The following ACOT7 variants were observed in gnomAD, a reference collection of about 807,000 sequenced individuals.
The protein encoded by ACOT7 is cytosolic acyl coenzyme A thioester hydrolase.
In ACOT7, 12 loss-of-function variants were observed where a neutral mutation model predicts 40.2. The observed-to-expected ratio is 0.30, with a 90% CI of 0.19 to 0.48. The LOEUF (loss-of-function observed/expected upper bound fraction) is 0.48, where lower values mean the gene tolerates loss of function less well. Ranked by LOEUF, ACOT7 falls within the 20% of genes least tolerant of loss-of-function variation. The pLI is 0.99. For missense variants in ACOT7, 395 were observed against 530.8 expected (o/e 0.74, Z 2.51); for synonymous variants, 228 against 219.5 (o/e 1.04, Z -0.34).
chr1:6,319,636 T>A (rs1640589619), intron 5 of ACOT7, among the ~76,000 whole-genome samples: 1 of 152,246 alleles, frequency 6.6e-6, no homozygotes, highest in Admixed American at 6.5e-5. Flanking sequence ...CACATGGCTG[T>A]CCATTTTTAG....
At chr1:6,280,368 G>C (rs1571265319) in intron 8 of ACOT7, among the ~76,000 whole-genome samples, 1 of 152,244 alleles carries the variant, frequency 6.6e-6, no homozygotes, top group Non-Finnish European at 1.5e-5. Flanking sequence ...AGACAGGGAA[G>C]CTGCCTCTTT....
At chr1:6,353,151 C>T (rs1051392970) in intron 1 of ACOT7, among the ~76,000 whole-genome samples, 6 of 151,530 alleles carry the variant, frequency 4.0e-5, no homozygotes, top group African/African-American at 1.5e-4. Context: ...TGTGAGCCAC[C>T]GCACCCGGCC....
chr1:6,335,042 C>T (rs1641060544), intron 3 of ACOT7, among the ~76,000 whole-genome samples: 1 of 150,710 alleles, frequency 6.6e-6, no homozygotes, highest in African/African-American at 2.4e-5. Flanking sequence ...AAAAAATTAG[C>T]TGGGTTGGCT....
At position 6,318,484 on chromosome 1, in the gene ACOT7, C is replaced by T. The variant is rs750800226; in HGVS notation, c.712+8G>A. 4 of 1,613,538 alleles carry T rather than the reference C, an allele frequency of 2.5e-6. No individual in the cohort carries two copies. In the South Asian group the frequency reaches 3.3e-5, roughly 13 times the overall value. On this transcript the variant is annotated splice_region_variant and intron_variant, in intron 6 of 8. Coordinates refer to ENST00000361521, the MANE Select transcript of ACOT7 (RefSeq NM_007274.4). ...AGGAATGGAGTGGCCAGGGCGCTTC[C>T]TTCTTACCTCCGTGCACAAAGCCGT...
rs1267700665 is a variant in ACOT7 at position 6,275,841 on chromosome 1, G to A, written c.1014+5261C>T. Among the ~76,000 whole-genome samples, 1 of 152,176 alleles carries A rather than the reference G, an allele frequency of 6.6e-6. No individual in the cohort carries two copies. The highest frequency in any genetic ancestry group is 1.5e-5 in the Non-Finnish European group (1 of 68,036). On this transcript the variant is annotated intron_variant, in intron 8 of 8. Coordinates refer to ENST00000361521, the MANE Select transcript of ACOT7 (RefSeq NM_007274.4). This position sits in a 1 kb window ranked among gnomAD's most constrained non-coding sequence, Gnocchi z 5.6. ...CGGAGTCCTGGGCTGGCCACCTCGGGAGATGTGTGTTCATGAGCACCAGAG... is the reference window on the plus strand; with the variant it reads ...CGGAGTCCTGGGCTGGCCACCTCGGAAGATGTGTGTTCATGAGCACCAGAG...
chr1:6,389,020 A>G (rs1642488901), intron 1 of ACOT7, among the ~76,000 whole-genome samples: 1 of 151,702 alleles, frequency 6.6e-6, no homozygotes, highest in South Asian at 2.1e-4. Context: ...CAGCCTGGGC[A>G]ACAGAGTGAG....
Position 6,282,808 on chromosome 1 carries a change from A to G in ACOT7, c.830-1522T>C. 2 of 1,304,234 alleles carry G rather than the reference A, an allele frequency of 1.5e-6. No homozygotes were observed. The highest frequency in any genetic ancestry group is 2.0e-6 in the Non-Finnish European group (2 of 988,928). The allele number at this position is 1,304,234 out of a possible 1,614,324, so 80.8% of individuals were successfully genotyped here. A position where few individuals can be genotyped will look rare whatever the true frequency, so the allele number is the denominator to read the frequency against. On this transcript the variant is annotated intron_variant, in intron 7 of 8. Transcript: ENST00000361521. The surrounding 1 kb of genome is among the most constrained non-coding windows in gnomAD (Gnocchi z 4.5). ...AGGCATTACGTGAGCTGTAAGGTAC[A>G]GAGTCCCATGCAAAGCGCCCGCAGT...
intron 1 of ACOT7, chr1:6,385,477 A>G (rs757408867): frequency 1.2e-6 from 2 of 1,602,956 alleles, no homozygotes; most frequent in Admixed American, 3.4e-5. Context: ...GGCACAAAAT[A>G]TTCCCAGTCA....
At chr1:6,347,068 T>C (rs919024906) in intron 2 of ACOT7, among the ~76,000 whole-genome samples, 1 of 152,054 alleles carries the variant, frequency 6.6e-6, no homozygotes, top group African/African-American at 2.4e-5. Context: ...GACAGAACCT[T>C]GGGACTTCCA....
rs1250231639 is a variant in ACOT7 at position 6,352,593 on chromosome 1, T to C, written c.144-2727A>G. ...TCACTGGAGACTTCGTTTTCCCATT[T>C]CTTTTTTTTTTTTTTTGAGACGGCG... On this transcript the variant is annotated intron_variant, in intron 1 of 8. Coordinates refer to ENST00000361521, the MANE Select transcript of ACOT7 (RefSeq NM_007274.4). This position sits in a 1 kb window ranked among gnomAD's most constrained non-coding sequence, Gnocchi z 4.5. Among the ~76,000 whole-genome samples the C allele has an allele frequency of 6.7e-6, 1 of 148,816 alleles. No homozygotes were observed. Among genetic ancestry groups the C allele is most frequent in the Non-Finnish European group, 1.5e-5 (1 of 67,774 alleles).
At chr1:6,283,382 G>A (rs1016451295) in intron 7 of ACOT7, among the ~76,000 whole-genome samples, 1 of 152,152 alleles carries the variant, frequency 6.6e-6, no homozygotes, top group Admixed American at 6.5e-5. Context: ...GGCTGGTCTA[G>A]AACTCCTGGC....
intron 1 of ACOT7, among the ~76,000 whole-genome samples, chr1:6,375,830 C>T (rs901510990): frequency 4.6e-5 from 7 of 151,292 alleles, no homozygotes; most frequent in Admixed American, 2.0e-4. Flanking sequence ...CCCAGCTGCT[C>T]GGGAGGCCGA....
intron 1 of ACOT7, among the ~76,000 whole-genome samples, chr1:6,370,457 G>GTATTATTAT (rs34962967): frequency 1.9e-3 from 271 of 140,806 alleles, no homozygotes; most frequent in Middle Eastern, 7.5e-3. Context: ...AGCAGTGTTA[G>GTATTATTAT]TATTATTATT....
At chr1:6,269,351 C>T (rs1196583228) in intron 8 of ACOT7, among the ~76,000 whole-genome samples, 1 of 152,214 alleles carries the variant, frequency 6.6e-6, no homozygotes, top group African/African-American at 2.4e-5. Context: ...TCACCTCACC[C>T]CGGCCCTCGG....
intron 8 of ACOT7, among the ~76,000 whole-genome samples, chr1:6,266,761 G>A (rs949567861): frequency 6.6e-6 from 1 of 152,268 alleles, no homozygotes; most frequent in Non-Finnish European, 1.5e-5. Context: ...GCTCAGCAGA[G>A]GAGCGGCCGC....
chr1:6,338,000 C>CAAAAAAA (rs769360339), intron 3 of ACOT7, among the ~76,000 whole-genome samples: 4 of 71,804 alleles, frequency 5.6e-5, no homozygotes, highest in Non-Finnish European at 9.6e-5. Context: ...GACACCATCT[C>CAAAAAAA]AAAAAAAAAA....
At position 6,337,243 on chromosome 1, in the gene ACOT7, G is replaced by A. The variant is rs140234829; in HGVS notation, c.418+2190C>T. Among the ~76,000 whole-genome samples, 54 of 152,360 alleles carry A rather than the reference G, an allele frequency of 3.5e-4. 1 individual carries two copies. The East Asian group carries it at 0.01, about 29-fold the overall frequency. Reference sequence around the variant, plus strand: ...TGTGGTGGCCAGGACACAGCTGGGAGGCCGAGAAGCTCCCAGCACCTTCTG... The same window carrying A: ...TGTGGTGGCCAGGACACAGCTGGGAAGCCGAGAAGCTCCCAGCACCTTCTG... On this transcript the variant is annotated intron_variant, in intron 3 of 8. Transcript: ENST00000361521.
intron 8 of ACOT7, 108 bp from the exon 9 acceptor site, chr1:6,264,803 C>T: frequency 8.6e-7 from 1 of 1,162,182 alleles, no homozygotes; most frequent in Non-Finnish European, 1.2e-6. Context: ...ATCTGCCCCA[C>T]CCCTGGTGCA....
Position 6,363,729 on chromosome 1 carries a change from C to T in ACOT7, c.144-13863G>A, listed in dbSNP as rs528546499. On this transcript the variant is annotated intron_variant, in intron 1 of 8. Coordinates refer to ENST00000361521, the MANE Select transcript of ACOT7 (RefSeq NM_007274.4). ...ATGATTCACACTCTTTACCCCTCCCCTTTTGCCTTGTATCCAATAAATAAC... is the reference window on the plus strand; with the variant it reads ...ATGATTCACACTCTTTACCCCTCCCTTTTTGCCTTGTATCCAATAAATAAC... Among the ~76,000 whole-genome samples, 35 of 152,258 alleles carry T rather than the reference C, an allele frequency of 2.3e-4. 1 individual carries two copies. The South Asian group carries it at 7.3e-3, about 32-fold the overall frequency.
Sources: allele counts gnomAD v4.1 joint callset (sites outside exome capture counted in the v4.1 genomes callset), GRCh38; gene constraint gnomAD v4.1.1; non-coding constraint Gnocchi (gnomAD v3.1); transcripts MANE v1.5; gene names NCBI Gene and HGNC (gene_info 2026-07-23, HGNC 2026-07-21).